The following IL1RAPL1 variants were observed in gnomAD, a reference collection of about 807,000 sequenced individuals.
The protein encoded by IL1RAPL1 is interleukin-1 receptor accessory protein-like 1.
IL1RAPL1 carries 3 observed loss-of-function variants against 48.4 expected under a neutral mutation model. The observed-to-expected ratio is 0.06, with a 90% CI of 0.03 to 0.16. The LOEUF (loss-of-function observed/expected upper bound fraction) is 0.16, where lower values mean the gene tolerates loss of function less well. Among genes scored for constraint, IL1RAPL1 ranks in the 10% least tolerant of loss-of-function variants. The pLI, the probability that IL1RAPL1 is intolerant of heterozygous loss-of-function variation, is 1.00. For missense variants in IL1RAPL1, 349 were observed against 530.6 expected, an observed-to-expected ratio of 0.66 and a Z score of 3.36; for synonymous variants, 185 against 187.7, an observed-to-expected ratio of 0.99 and a Z score of 0.12.
chrX:29,265,814 T>G (rs1390002885), intron 2 of IL1RAPL1, among the ~76,000 whole-genome samples: 3 of 109,937 alleles, frequency 2.7e-5, no homozygotes, highest in Non-Finnish European at 5.7e-5. Flanking sequence ...TCATTTTTTA[T>G]GGCTGCACAG....
intron 6 of IL1RAPL1, among the ~76,000 whole-genome samples, chrX:29,856,128 T>C (rs922913982): frequency 8.9e-6 from 1 of 111,820 alleles, no homozygotes; most frequent in African/African-American, 3.2e-5. Context: ...GGTACACCAG[T>C]CTAAGAGCTC....
In IL1RAPL1 at chrX:29,578,613, T is replaced by C. The variant is rs758336654; in HGVS notation, c.704-89817T>C. 1.7e-4 allele frequency among the ~76,000 whole-genome samples: 19 copies of C among 111,726 alleles called. No homozygotes were observed. The South Asian group carries it at 7.2e-3, about 42-fold the overall frequency. On this transcript the variant is annotated intron_variant, in intron 5 of 10. Coordinates refer to ENST00000378993, the MANE Select transcript of IL1RAPL1 (RefSeq NM_014271.4). ...AATCAAATGGTTCTGAGAATGATCT[T>C]AAATTTTTAAGATTTTTAAATTTTT...
intron 6 of IL1RAPL1, among the ~76,000 whole-genome samples, chrX:29,888,894 CTA>C (rs1255704429): frequency 9.0e-6 from 1 of 111,628 alleles, no homozygotes; most frequent in Admixed American, 9.5e-5. Flanking sequence ...ATAAAGGTGT[CTA>C]TGTTTTTCAG....
At chrX:29,481,679 T>C (rs1342045545) in intron 5 of IL1RAPL1, among the ~76,000 whole-genome samples, 2 of 112,005 alleles carry the variant, frequency 1.8e-5, no homozygotes, top group African/African-American at 6.5e-5. Flanking sequence ...TTAAATGGCC[T>C]GGTTGCTCCT....
At chrX:28,986,794 A>T (rs1925486198) in intron 2 of IL1RAPL1, among the ~76,000 whole-genome samples, 1 of 112,107 alleles carries the variant, frequency 8.9e-6, no homozygotes, top group African/African-American at 3.2e-5. Context: ...CAAGGGAAGG[A>T]TTATTTTCTT....
At chrX:29,876,825 A>G (rs1487219200) in intron 6 of IL1RAPL1, among the ~76,000 whole-genome samples, 3 of 112,005 alleles carry the variant, frequency 2.7e-5, no homozygotes, top group African/African-American at 9.7e-5. Context: ...CTTCTTGTTA[A>G]AAATAAATAT....
chrX:29,119,025 A>T (rs1297546113), intron 2 of IL1RAPL1, among the ~76,000 whole-genome samples: 1 of 111,349 alleles, frequency 9.0e-6, no homozygotes, highest in African/African-American at 3.3e-5. Flanking sequence ...TTAACAAAAC[A>T]CATAAGAATA....
chrX:29,672,617 C>G (rs1408289570), intron 6 of IL1RAPL1, among the ~76,000 whole-genome samples: 1 of 111,660 alleles, frequency 9.0e-6, no homozygotes, highest in Non-Finnish European at 1.9e-5. Context: ...TAATGCTCAG[C>G]TAGGACCTTC....
intron 6 of IL1RAPL1, among the ~76,000 whole-genome samples, chrX:29,687,972 C>T (rs1289693817): frequency 9.0e-6 from 1 of 111,549 alleles, no homozygotes; most frequent in African/African-American, 3.3e-5. Context: ...CACAGAGAGT[C>T]CCAGTGAGGC....
At chrX:29,464,708 A>C (rs933246618) in intron 5 of IL1RAPL1, among the ~76,000 whole-genome samples, 2 of 112,363 alleles carry the variant, frequency 1.8e-5, no homozygotes, top group Admixed American at 9.4e-5. Context: ...AGAATGAATA[A>C]AGAAATGTGC....
At chrX:28,736,035 A>G (rs1935820254) in intron 1 of IL1RAPL1, among the ~76,000 whole-genome samples, 4 of 111,552 alleles carry the variant, frequency 3.6e-5, no homozygotes, top group South Asian at 7.5e-4. Flanking sequence ...GTTAAATTCA[A>G]GATATTATAT....
chrX:29,026,252 C>CTGATT (rs1270818929), intron 2 of IL1RAPL1, among the ~76,000 whole-genome samples: 1 of 111,973 alleles, frequency 8.9e-6, no homozygotes, highest in African/African-American at 3.2e-5. Context: ...AGTGTGACTA[C>CTGATT]TGATTTGATT....
chrX:28,644,563 C>T (rs1934586711), intron 1 of IL1RAPL1, among the ~76,000 whole-genome samples: 1 of 111,399 alleles, frequency 9.0e-6, no homozygotes, highest in Non-Finnish European at 1.9e-5. Context: ...TGTTAATTGA[C>T]TCTAACTGAC....
chrX:28,655,935 A>G (rs1447530220), intron 1 of IL1RAPL1, among the ~76,000 whole-genome samples: 2 of 112,066 alleles, frequency 1.8e-5, no homozygotes, highest in Non-Finnish European at 3.8e-5. Context: ...CAAATTGGAA[A>G]CAAAAGACAG....
intron 2 of IL1RAPL1, among the ~76,000 whole-genome samples, chrX:29,015,344 G>T (rs761346085): frequency 2.7e-5 from 3 of 110,496 alleles, no homozygotes; most frequent in African/African-American, 9.8e-5. Flanking sequence ...TAAAACTTTC[G>T]CTCTGAAATT....
intron 1 of IL1RAPL1, among the ~76,000 whole-genome samples, chrX:28,732,745 TG>T: frequency 9.0e-6 from 1 of 111,192 alleles, no homozygotes; most frequent in East Asian, 2.8e-4. Context: ...GGCACATGCC[TG>T]TAGTCCCAGC....
intron 2 of IL1RAPL1, among the ~76,000 whole-genome samples, chrX:28,963,818 A>G (rs980925169): frequency 3.6e-4 from 40 of 111,029 alleles, no homozygotes; most frequent in African/African-American, 1.3e-3. Context: ...TTTTCCTAAA[A>G]TTTTAATTGT....
intron 2 of IL1RAPL1, among the ~76,000 whole-genome samples, chrX:28,851,656 T>G (rs1921666453): frequency 8.9e-6 from 1 of 111,877 alleles, no homozygotes; most frequent in African/African-American, 3.2e-5. Flanking sequence ...GGTGCATTAA[T>G]TCTTCCAACA....
Position 29,711,867 on chromosome X carries a change from AATT to A in IL1RAPL1, c.778+43367_778+43369del, listed in dbSNP as rs746120371. Among the ~76,000 whole-genome samples, 22 of 111,479 alleles carry A rather than the reference AATT, an allele frequency of 2.0e-4. No individual in the cohort carries two copies. The East Asian group carries it at 4.8e-3, about 24-fold the overall frequency. On this transcript the variant is annotated intron_variant, in intron 6 of 10. Transcript: ENST00000378993. The stretch of plus-strand genomic sequence containing the variant: ...GAGAAATATAAACGATCATTTAGTC[AATT>A]ATTTATTATATCACCTACTAGGTTG...
Sources: allele counts gnomAD v4.1 joint callset (sites outside exome capture counted in the v4.1 genomes callset), GRCh38; gene constraint gnomAD v4.1.1; transcripts MANE v1.5; gene names NCBI Gene and HGNC (gene_info 2026-07-23, HGNC 2026-07-21).